The following CRPPA variants were observed in gnomAD, a reference collection of about 807,000 sequenced individuals.
The protein encoded by CRPPA is D-ribitol-5-phosphate cytidylyltransferase.
CRPPA carries 43 observed loss-of-function variants against 52.0 expected under a neutral mutation model. The ratio of observed to expected loss-of-function variants is 0.83; its 90% CI spans 0.65 to 1.07. CRPPA has a LOEUF of 1.07. Among genes scored for constraint, CRPPA ranks in the 50% least tolerant of loss-of-function variants. The pLI is 0.00. For missense variants in CRPPA, 629 were observed against 551.7 expected, an observed-to-expected ratio of 1.14 and a Z score of -1.40; for synonymous variants, 250 against 203.5, an observed-to-expected ratio of 1.23 and a Z score of -1.94.
At chr7:16,356,707 T>A (rs1453534556) in intron 3 of CRPPA, among the ~76,000 whole-genome samples, 1 of 152,272 alleles carries the variant, frequency 6.6e-6, no homozygotes, top group Non-Finnish European at 1.5e-5. Context: ...AATTTCCTCA[T>A]ACATTATCTC....
chr7:16,384,416 C>G (rs1229981777), intron 2 of CRPPA, among the ~76,000 whole-genome samples: 1 of 152,206 alleles, frequency 6.6e-6, no homozygotes, highest in Non-Finnish European at 1.5e-5. Flanking sequence ...CCAACAAAAG[C>G]TCTCCTGGGA....
At chr7:16,171,548 C>T (rs559365747) in intron 9 of CRPPA, among the ~76,000 whole-genome samples, 25 of 152,142 alleles carry the variant, frequency 1.6e-4, no homozygotes, top group South Asian at 1.2e-3. Context: ...GGGTGGATCA[C>T]GAGGTCAGGA....
At chr7:16,389,913 CAAAAA>C (rs1163092089) in intron 2 of CRPPA, among the ~76,000 whole-genome samples, 16 of 34,306 alleles carry the variant, frequency 4.7e-4, no homozygotes, top group South Asian at 1.7e-3. Context: ...GCCTAGTATA[CAAAAA>C]AAAAAAAAAA....
chr7:16,216,208 T>A lies in CRPPA; in HGVS notation c.1120-11A>T. On this transcript the variant is annotated splice_polypyrimidine_tract_variant and intron_variant, in intron 8 of 9. Transcript: ENST00000407010. ...ATCAAGAAAATGAACCTGCAAAATATAAAAGACAGTATTTAGAATATCATT... is the reference window on the plus strand; with the variant it reads ...ATCAAGAAAATGAACCTGCAAAATAAAAAAGACAGTATTTAGAATATCATT... 1 of 1,526,000 alleles carries A rather than the reference T, an allele frequency of 6.6e-7. No individual in the cohort carries two copies. The highest frequency in any genetic ancestry group is 2.3e-5 in the East Asian group (1 of 44,018). The allele number at this position is 1,526,000 out of a possible 1,614,324, so 94.5% of individuals were successfully genotyped here.
intron 8 of CRPPA, chr7:16,237,460 A>T (rs1178902588): frequency 6.6e-6 from 1 of 152,112 alleles, no homozygotes; most frequent in African/African-American, 2.4e-5. Context: ...AATCTCATTG[A>T]TGAGGGCTCT....
At chr7:16,226,683 T>C (rs1260223021) in intron 8 of CRPPA, among the ~76,000 whole-genome samples, 2 of 151,966 alleles carry the variant, frequency 1.3e-5, no homozygotes, top group African/African-American at 4.8e-5. Context: ...CAACTTTTTG[T>C]TAATTTTCAC....
chr7:16,222,391 A>G (rs1055220388), intron 8 of CRPPA, among the ~76,000 whole-genome samples: 1 of 150,654 alleles, frequency 6.6e-6, no homozygotes, highest in Non-Finnish European at 1.5e-5. Context: ...ACATGTATAC[A>G]TATGTAACTA....
intron 8 of CRPPA, among the ~76,000 whole-genome samples, chr7:16,228,990 T>G (rs1401781340): frequency 1.3e-5 from 2 of 152,072 alleles, no homozygotes; most frequent in Non-Finnish European, 2.9e-5. Context: ...CAACATTGGT[T>G]GCATATATCA....
At chr7:16,200,234 C>G (rs1781820893) in intron 9 of CRPPA, among the ~76,000 whole-genome samples, 1 of 152,172 alleles carries the variant, frequency 6.6e-6, no homozygotes, top group Non-Finnish European at 1.5e-5. Flanking sequence ...ACTTCAATCA[C>G]CTCTCAGGAG....
chr7:16,343,392 A>G (rs1785923245), intron 3 of CRPPA, among the ~76,000 whole-genome samples: 1 of 152,114 alleles, frequency 6.6e-6, no homozygotes, highest in Non-Finnish European at 1.5e-5. Flanking sequence ...CTGGCATTGT[A>G]CAATTACAGT....
chr7:16,267,053 C>T (rs1783975353), intron 6 of CRPPA, among the ~76,000 whole-genome samples: 1 of 152,114 alleles, frequency 6.6e-6, no homozygotes, highest in South Asian at 2.1e-4. Context: ...AAAACATTTG[C>T]AAGCTGAGAA....
At chr7:16,230,789 G>C (rs1411772113) in intron 8 of CRPPA, among the ~76,000 whole-genome samples, 3 of 152,160 alleles carry the variant, frequency 2.0e-5, no homozygotes. Flanking sequence ...ATTTGGCTTT[G>C]CCTGGTATAG....
intron 8 of CRPPA, among the ~76,000 whole-genome samples, chr7:16,254,954 G>A (rs1483516522): frequency 6.6e-6 from 1 of 152,150 alleles, no homozygotes; most frequent in Non-Finnish European, 1.5e-5. Context: ...AATCAGGCAA[G>A]AGAAAGAAAT....
intron 2 of CRPPA, among the ~76,000 whole-genome samples, chr7:16,401,840 T>G (rs144377706): frequency 6.6e-6 from 1 of 151,862 alleles, no homozygotes; most frequent in East Asian, 1.9e-4. Context: ...GTAGACTGGG[T>G]ATCTTGAAAC....
At chr7:16,098,698 C>G (rs1583353264) in intron 9 of CRPPA, among the ~76,000 whole-genome samples, 1 of 152,124 alleles carries the variant, frequency 6.6e-6, no homozygotes, top group Admixed American at 6.5e-5. Flanking sequence ...AATATCAAAT[C>G]AAAATAATTT....
chr7:16,374,147 A>G (rs1188956389), intron 3 of CRPPA, among the ~76,000 whole-genome samples: 1 of 152,086 alleles, frequency 6.6e-6, no homozygotes, highest in African/African-American at 2.4e-5. Context: ...GTGGACTGGG[A>G]GAGGAAAACC....
intron 9 of CRPPA, among the ~76,000 whole-genome samples, chr7:16,211,890 T>C (rs531152929): frequency 4.6e-5 from 7 of 152,324 alleles, no homozygotes; most frequent in Admixed American, 3.3e-4. Flanking sequence ...AGAAGAACAA[T>C]TGTACTTACG....
intron 3 of CRPPA, among the ~76,000 whole-genome samples, chr7:16,317,146 T>C (rs1326745275): frequency 2.6e-5 from 4 of 152,192 alleles, no homozygotes; most frequent in Non-Finnish European, 4.4e-5. Context: ...ATTAAGAGCA[T>C]GGACACAGAA....
intron 9 of CRPPA, among the ~76,000 whole-genome samples, chr7:16,101,795 G>A (rs189089904): frequency 7.9e-5 from 12 of 152,140 alleles, no homozygotes; most frequent in South Asian, 6.2e-4. Context: ...CACTGCTCAC[G>A]GAAATAAGAG....
Sources: allele counts gnomAD v4.1 joint callset (sites outside exome capture counted in the v4.1 genomes callset), GRCh38; gene constraint gnomAD v4.1.1; transcripts MANE v1.5; gene names NCBI Gene and HGNC (gene_info 2026-07-23, HGNC 2026-07-21).